The following MAST4 variants were observed in gnomAD, a reference collection of about 807,000 sequenced individuals.
MAST4 encodes the protein microtubule associated serine/threonine kinase family member 4.
A neutral mutation model predicts 162.7 loss-of-function variants in MAST4; 89 were observed. The observed-to-expected ratio is 0.55, with a 90% CI of 0.46 to 0.65. The LOEUF is 0.65. Ranked by LOEUF, MAST4 falls within the 30% of genes least tolerant of loss-of-function variation. MAST4 has a pLI of 0.00. For missense variants in MAST4, 3,153 were observed against 3,374.0 expected, an observed-to-expected ratio of 0.93 and a Z score of 1.62; for synonymous variants, 1,479 against 1,361.1, an observed-to-expected ratio of 1.09 and a Z score of -1.91.
At chr5:66,909,305 C>G (rs1183412049) in intron 4 of MAST4, among the ~76,000 whole-genome samples, 2 of 152,088 alleles carry the variant, frequency 1.3e-5, no homozygotes, top group African/African-American at 2.4e-5. Context: ...ATTATTAGGC[C>G]GTGAAGGAAC....
At chr5:66,993,434 T>C (rs923960635) in intron 4 of MAST4, among the ~76,000 whole-genome samples, 1 of 152,338 alleles carries the variant, frequency 6.6e-6, no homozygotes, top group African/African-American at 2.4e-5. Context: ...GCATTAGACC[T>C]GTAAACACAT....
At chr5:66,934,028 A>G (rs184925939) in intron 4 of MAST4, among the ~76,000 whole-genome samples, 5 of 152,242 alleles carry the variant, frequency 3.3e-5, no homozygotes, top group Admixed American at 3.3e-4. Flanking sequence ...AAAGTCAGAT[A>G]TAAACTTCTG....
chr5:67,028,256 A>AAAC (rs374617254), intron 4 of MAST4, among the ~76,000 whole-genome samples: 12 of 152,050 alleles, frequency 7.9e-5, no homozygotes, highest in African/African-American at 2.2e-4. Context: ...AATCTAGGCA[A>AAAC]AACAACAACA....
At chr5:66,893,380 T>G (rs183866304) in intron 3 of MAST4, among the ~76,000 whole-genome samples, 1,731 of 142,318 alleles carry the variant, frequency 0.012, 38 homozygotes, top group African/African-American at 0.043. Flanking sequence ...TAATTTTTTT[T>G]TTTGTGTGTG....
At chr5:66,699,613 T>A (rs770068873) in intron 1 of MAST4, among the ~76,000 whole-genome samples, 26 of 151,940 alleles carry the variant, frequency 1.7e-4, no homozygotes, top group Non-Finnish European at 1.0e-4. Context: ...CTTTGTAGAG[T>A]CATGGATGAA....
chr5:66,661,373 G>A (rs976138456), intron 1 of MAST4, among the ~76,000 whole-genome samples: 1 of 152,166 alleles, frequency 6.6e-6, no homozygotes, highest in Non-Finnish European at 1.5e-5. Flanking sequence ...GAAAAGACAT[G>A]CTCCCGCTGT....
chr5:66,730,606 A>T (rs1751784953), intron 1 of MAST4, among the ~76,000 whole-genome samples: 1 of 152,214 alleles, frequency 6.6e-6, no homozygotes, highest in Non-Finnish European at 1.5e-5. Flanking sequence ...TCTGAACAGT[A>T]GTTAAGGTAG....
intron 3 of MAST4, among the ~76,000 whole-genome samples, chr5:66,888,062 T>A (rs1464487949): frequency 6.6e-6 from 1 of 151,886 alleles, no homozygotes; most frequent in East Asian, 1.9e-4. Flanking sequence ...AAAATAAAAA[T>A]AAAATAGTAC....
chr5:66,746,452 C>G (rs1163123913), intron 1 of MAST4, among the ~76,000 whole-genome samples: 1 of 152,130 alleles, frequency 6.6e-6, no homozygotes, highest in East Asian at 1.9e-4. Flanking sequence ...GAGCTGAGAG[C>G]TGTGAAGGAT....
At chr5:66,832,127 G>A (rs180716716) in intron 3 of MAST4, among the ~76,000 whole-genome samples, 2 of 152,166 alleles carry the variant, frequency 1.3e-5, no homozygotes, top group East Asian at 1.9e-4. Flanking sequence ...ATCCCAGAGC[G>A]GCTGACGATG....
At chr5:66,888,157 A>G (rs986347149) in intron 3 of MAST4, among the ~76,000 whole-genome samples, 16 of 152,214 alleles carry the variant, frequency 1.1e-4, no homozygotes, top group Admixed American at 7.9e-4. Context: ...CTATAAGCTA[A>G]TTGTTTATTC....
At chr5:67,104,328 T>C (rs746496946) in intron 9 of MAST4, 38 bp from the exon 10 acceptor site, 1 of 1,464,060 alleles carries the variant, frequency 6.8e-7, no homozygotes, top group Non-Finnish European at 9.6e-7. Flanking sequence ...GTGTGTTTCC[T>C]CGTATTACAT....
rs185291974 is a variant in MAST4 at position 66,680,882 on chromosome 5, C to A, written c.364-78827C>A. Among the ~76,000 whole-genome samples the A allele has an allele frequency of 3.3e-5, 5 of 152,280 alleles. No homozygotes were observed. In the East Asian group the frequency reaches 9.7e-4, roughly 30 times the overall value. On this transcript the variant is annotated intron_variant, in intron 1 of 28. Coordinates refer to ENST00000403625, the MANE Select transcript of MAST4 (RefSeq NM_001164664.2). ...TCACCTTGACCTGGAGCAAGCGCAC[C>A]CGAAGACATGCCCAAGGGCTTGGGC...
chr5:66,843,818 G>C (rs142201062), intron 3 of MAST4, among the ~76,000 whole-genome samples: 34 of 152,132 alleles, frequency 2.2e-4, no homozygotes, highest in African/African-American at 8.2e-4. Flanking sequence ...ACACAGCCAG[G>C]GTATATTAGC....
At chr5:67,078,724 AT>A (rs1172298855) in intron 5 of MAST4, among the ~76,000 whole-genome samples, 1 of 134,868 alleles carries the variant, frequency 7.4e-6, no homozygotes, top group Non-Finnish European at 1.6e-5. Context: ...TTTATATTAT[AT>A]TTATATTTAT....
At chr5:66,783,590 TGTC>T (rs1157396151) in intron 2 of MAST4, among the ~76,000 whole-genome samples, 1 of 152,214 alleles carries the variant, frequency 6.6e-6, no homozygotes, top group African/African-American at 2.4e-5. Context: ...GTCAAAGCCT[TGTC>T]TTTTGCGTTA....
intron 18 of MAST4, 150 bp downstream of exon 18, chr5:67,134,838 C>T (rs544912207): frequency 2.6e-5 from 16 of 609,464 alleles, no homozygotes; most frequent in African/African-American, 1.9e-4. Flanking sequence ...AAGCATATAA[C>T]TGACATTCTT....
In MAST4 at chr5:66,981,222, A is replaced by C. The variant is rs73766112; in HGVS notation, c.675-73182A>C. Among the ~76,000 whole-genome samples the C allele has an allele frequency of 9.9e-3, 1,511 of 152,314 alleles. 22 individuals are homozygous for C. Among genetic ancestry groups the C allele is most frequent in the African/African-American group, 0.034 (1,403 of 41,546 alleles). On this transcript the variant is annotated intron_variant, in intron 4 of 28. Coordinates refer to ENST00000403625, the MANE Select transcript of MAST4 (RefSeq NM_001164664.2). ...ATTTTTTTTGCAAAATGTTATCTGA[A>C]ATAGCTGAATATATTGATTTGATGA...
chr5:66,983,561 T>C (rs1406907169), intron 4 of MAST4, among the ~76,000 whole-genome samples: 1 of 152,146 alleles, frequency 6.6e-6, no homozygotes, highest in Non-Finnish European at 1.5e-5. Context: ...CTCATCTGTA[T>C]ATTGGGGAAG....
Sources: allele counts gnomAD v4.1 joint callset (sites outside exome capture counted in the v4.1 genomes callset), GRCh38; gene constraint gnomAD v4.1.1; transcripts MANE v1.5; gene names NCBI Gene and HGNC (gene_info 2026-07-23, HGNC 2026-07-21).